The following CNTN3 variants were observed in gnomAD, a reference collection of about 807,000 sequenced individuals.
CNTN3 encodes the protein contactin 3.
Under a neutral mutation model 119.1 loss-of-function variants are expected in CNTN3, and 60 were observed. The observed-to-expected ratio is 0.50, with a 90% CI of 0.41 to 0.62. The LOEUF (loss-of-function observed/expected upper bound fraction) is 0.62. Among genes scored for constraint, CNTN3 ranks in the 20% least tolerant of loss-of-function variants. The probability of loss-of-function intolerance (pLI) is 0.00; values close to 1 mark genes in which losing one functional copy is unlikely to be tolerated. For missense variants in CNTN3, 1,101 were observed against 1,242.4 expected, an observed-to-expected ratio of 0.89 and a Z score of 1.71; for synonymous variants, 450 against 438.7, an observed-to-expected ratio of 1.03 and a Z score of -0.32.
intron 2 of CNTN3, among the ~76,000 whole-genome samples, chr3:74,503,332 C>A (rs1177782698): frequency 2.6e-5 from 4 of 152,110 alleles, no homozygotes; most frequent in Admixed American, 1.3e-4. Context: ...TCTGCCATCT[C>A]TGAAATTTAA....
chr3:74,282,047 C>T (rs1051954033), intron 20 of CNTN3, among the ~76,000 whole-genome samples: 4 of 152,060 alleles, frequency 2.6e-5, no homozygotes, highest in Non-Finnish European at 5.9e-5. Context: ...ATTTTTAAGC[C>T]ATCTGCAAAT....
chr3:74,364,729 T>C, intron 9 of CNTN3, 133 bp from the exon 10 acceptor site: 1 of 651,000 alleles, frequency 1.5e-6, no homozygotes, highest in East Asian at 2.8e-5. Context: ...GGCCTGAAAT[T>C]TAACCTTTTC....
chr3:74,588,137 T>C (rs1192883495), intron 1 of CNTN3, among the ~76,000 whole-genome samples: 2 of 152,134 alleles, frequency 1.3e-5, no homozygotes, highest in Non-Finnish European at 2.9e-5. Flanking sequence ...TGAAGCCCAC[T>C]TGACCATGGT....
chr3:74,499,310 G>A (rs1703120724), intron 3 of CNTN3, among the ~76,000 whole-genome samples: 1 of 151,834 alleles, frequency 6.6e-6, no homozygotes, highest in Admixed American at 6.6e-5. Context: ...AGAAGTATTT[G>A]TTTAACTATG....
chr3:74,564,094 C>T (rs1351073573), intron 1 of CNTN3, among the ~76,000 whole-genome samples: 2 of 152,032 alleles, frequency 1.3e-5, no homozygotes, highest in African/African-American at 2.4e-5. Flanking sequence ...TATTGTTAGC[C>T]AAGTGACAAG....
At chr3:74,453,765 C>T (rs1322311621) in intron 4 of CNTN3, among the ~76,000 whole-genome samples, 7 of 151,230 alleles carry the variant, frequency 4.6e-5, no homozygotes, top group African/African-American at 2.4e-5. Context: ...GCCTTCATTT[C>T]GTTATGTACC....
At chr3:74,369,657 C>A (rs1348688489) in intron 7 of CNTN3, among the ~76,000 whole-genome samples, 1 of 151,198 alleles carries the variant, frequency 6.6e-6, no homozygotes, top group Non-Finnish European at 1.5e-5. Context: ...AAAAACCCAC[C>A]AATTTATTTT....
intron 19 of CNTN3, among the ~76,000 whole-genome samples, chr3:74,293,837 A>C (rs933593882): frequency 2.0e-5 from 3 of 152,186 alleles, no homozygotes; most frequent in Non-Finnish European, 4.4e-5. Flanking sequence ...GATGCATGAC[A>C]GTGTATCTCA....
intron 1 of CNTN3, among the ~76,000 whole-genome samples, chr3:74,531,150 G>C (rs1220675672): frequency 7.2e-5 from 11 of 151,960 alleles, no homozygotes; most frequent in Admixed American, 7.2e-4. Context: ...TTAGCACCAG[G>C]GAGGGAGATT....
intron 1 of CNTN3, among the ~76,000 whole-genome samples, chr3:74,582,379 C>T (rs1265480136): frequency 6.7e-6 from 1 of 148,410 alleles, no homozygotes; most frequent in African/African-American, 2.5e-5. Flanking sequence ...GCACTCCAGC[C>T]CGGGCGACAG....
At chr3:74,418,653 C>A (rs1271433727) in intron 5 of CNTN3, among the ~76,000 whole-genome samples, 1 of 151,332 alleles carries the variant, frequency 6.6e-6, no homozygotes, top group Admixed American at 6.6e-5. Context: ...AAAGCATATT[C>A]TTTCTTCCCA....
At chr3:74,589,162 A>C (rs1704652814) in intron 1 of CNTN3, among the ~76,000 whole-genome samples, 1 of 152,102 alleles carries the variant, frequency 6.6e-6, no homozygotes, top group African/African-American at 2.4e-5. Flanking sequence ...CATCAGAGTG[A>C]ACAGGCAACC....
chr3:74,552,016 G>A (rs568329014), intron 1 of CNTN3, among the ~76,000 whole-genome samples: 13 of 151,800 alleles, frequency 8.6e-5, no homozygotes, highest in African/African-American at 2.9e-4. Context: ...CACCCACCTC[G>A]GCCTCCCAAA....
chr3:74,553,555 G>A (rs1704024918), intron 1 of CNTN3, among the ~76,000 whole-genome samples: 1 of 152,160 alleles, frequency 6.6e-6, no homozygotes, highest in South Asian at 2.1e-4. Context: ...CCCACCAACA[G>A]TGTAAAAGCA....
intron 4 of CNTN3, among the ~76,000 whole-genome samples, chr3:74,472,218 CAG>C (rs1333438749): frequency 6.6e-6 from 1 of 152,182 alleles, no homozygotes; most frequent in Admixed American, 6.5e-5. Context: ...TCCAACACAA[CAG>C]AGTGTCCAAC....
chr3:74,273,699 G>A (rs1701826088), intron 20 of CNTN3, among the ~76,000 whole-genome samples: 1 of 152,178 alleles, frequency 6.6e-6, no homozygotes, highest in Non-Finnish European at 1.5e-5. Flanking sequence ...ACTCCTGCCT[G>A]GCATCACAGG....
intron 1 of CNTN3, among the ~76,000 whole-genome samples, chr3:74,605,625 C>T (rs1332876803): frequency 6.6e-6 from 1 of 152,114 alleles, no homozygotes; most frequent in Non-Finnish European, 1.5e-5. Context: ...GATGGCCTCA[C>T]TCACATCACT....
At chr3:74,586,014 G>A (rs1704587252) in intron 1 of CNTN3, among the ~76,000 whole-genome samples, 2 of 152,042 alleles carry the variant, frequency 1.3e-5, no homozygotes, top group African/African-American at 4.8e-5. Flanking sequence ...CTGGGATAAT[G>A]GTAAAATTAC....
chr3:74,554,828 T>C (rs1704045220), intron 1 of CNTN3, among the ~76,000 whole-genome samples: 1 of 152,218 alleles, frequency 6.6e-6, no homozygotes, highest in South Asian at 2.1e-4. Context: ...ACGATGGGGT[T>C]TTCTAAACAT....
Sources: allele counts gnomAD v4.1 joint callset (sites outside exome capture counted in the v4.1 genomes callset), GRCh38; gene constraint gnomAD v4.1.1; transcripts MANE v1.5; gene names NCBI Gene and HGNC (gene_info 2026-07-23, HGNC 2026-07-21).